ITPRID1: variants seen among roughly 807,000 people sequenced by gnomAD.
The protein encoded by ITPRID1 is ITPR interacting domain containing 1.
In ITPRID1, 96 loss-of-function variants were observed where a neutral mutation model predicts 95.4. The ratio of observed to expected loss-of-function variants is 1.01; its 90% CI spans 0.85 to 1.19. ITPRID1 has a LOEUF of 1.19. ITPRID1 is among the 50% of genes most tolerant of loss of function. The pLI, the probability that ITPRID1 is intolerant of heterozygous loss-of-function variation, is 0.00. For synonymous variants in ITPRID1, 510 were observed against 453.6 expected, an observed-to-expected ratio of 1.12 and a Z score of -1.58; for missense variants, 1,339 against 1,252.9, an observed-to-expected ratio of 1.07 and a Z score of -1.04.
intron 10 of ITPRID1, among the ~76,000 whole-genome samples, chr7:31,590,764 A>T (rs1785832115): frequency 6.6e-6 from 1 of 152,242 alleles, no homozygotes; most frequent in Admixed American, 6.5e-5. Flanking sequence ...CTCACAGAGT[A>T]GTGTCATTAT....
rs1277312206 is a variant in ITPRID1, at chr7:31,643,213, G to C, written c.1843G>C (p.Glu615Gln). The C allele has an allele frequency of 6.8e-6, 11 of 1,613,818 alleles. No individual in the cohort carries two copies. The highest frequency in any genetic ancestry group is 9.3e-6 in the Non-Finnish European group (11 of 1,179,890). ...TQDKFLHVDS[E>Q]APREEESSGF... ...AGACAAGTTCCTTCATGTTGACTCT[G>C]AGGCCCCACGAGAAGAGGAAAGCAG... Residue 615 changes from glutamate to glutamine, a missense_variant, in exon 12 of 15, where the codon GAG becomes CAG. Physicochemically the swap from Glu to Gln is conservative, Grantham distance 29 (BLOSUM62 2). Coordinates refer to ENST00000615280, the MANE Select transcript of ITPRID1 (RefSeq NM_001257967.3).
At chr7:31,539,495 A>T (rs1165507263) in intron 1 of ITPRID1, among the ~76,000 whole-genome samples, 9 of 152,028 alleles carry the variant, frequency 5.9e-5, no homozygotes. Flanking sequence ...TAAATTTTCA[A>T]CTCCTCTGGG....
At chr7:31,595,314 G>A (rs142644486) in intron 10 of ITPRID1, among the ~76,000 whole-genome samples, 3,506 of 145,656 alleles carry the variant, frequency 0.024, 129 homozygotes, top group African/African-American at 0.082. Context: ...CAAAGTACTG[G>A]GATTACAGGT....
chr7:31,515,389 A>C (rs1240804551), intron 1 of ITPRID1, among the ~76,000 whole-genome samples: 1 of 152,192 alleles, frequency 6.6e-6, no homozygotes, highest in Non-Finnish European at 1.5e-5. Flanking sequence ...CAGCCTGACC[A>C]ACATGGAGAA....
intron 1 of ITPRID1, chr7:31,518,362 CTACTGTTTGTGA>C: frequency 6.6e-6 from 1 of 152,174 alleles, no homozygotes; most frequent in South Asian, 2.1e-4. Context: ...TTGCCTAAAA[CTACTGTTTGTGA>C]TAATTTGTTA....
At chr7:31,594,172 A>G (rs1785979696) in intron 10 of ITPRID1, among the ~76,000 whole-genome samples, 1 of 152,202 alleles carries the variant, frequency 6.6e-6, no homozygotes, top group Non-Finnish European at 1.5e-5. Flanking sequence ...AGCATACTGT[A>G]CAGGTTTGCA....
chr7:31,517,135 T>G (rs1783070154), intron 1 of ITPRID1, among the ~76,000 whole-genome samples: 1 of 152,082 alleles, frequency 6.6e-6, no homozygotes. Flanking sequence ...AGATTTCAGG[T>G]TTTGGTTCGG....
chr7:31,575,698 T>C (rs1372415033), intron 8 of ITPRID1, among the ~76,000 whole-genome samples: 2 of 152,088 alleles, frequency 1.3e-5, no homozygotes, highest in East Asian at 1.9e-4. Context: ...AGGGGGGAAA[T>C]GACAAAATTC....
At position 31,516,554 on chromosome 7, in the gene ITPRID1, T is replaced by G. The variant is rs1583447851; in HGVS notation, c.-98+2434T>G. Among the ~76,000 whole-genome samples, 3 of 152,300 alleles carry G rather than the reference T, an allele frequency of 2.0e-5. No individual in the cohort carries two copies. The South Asian group carries it at 6.2e-4, about 32-fold the overall frequency. ...CCATAGCTCAGGAAGAGAAACGGCT[T>G]GCTCTAACAGACACAGATAATAGTT... On this transcript the variant is annotated intron_variant, in intron 1 of 14. Coordinates refer to ENST00000615280, the MANE Select transcript of ITPRID1 (RefSeq NM_001257967.3).
chr7:31,591,740 A>G (rs1372627888), intron 10 of ITPRID1, among the ~76,000 whole-genome samples: 1 of 152,232 alleles, frequency 6.6e-6, no homozygotes, highest in Admixed American at 6.5e-5. Context: ...GGAAAGGGTT[A>G]AAAGCAGTTG....
intron 10 of ITPRID1, among the ~76,000 whole-genome samples, chr7:31,627,493 A>G (rs541087795): frequency 1.7e-4 from 26 of 152,084 alleles, no homozygotes; most frequent in African/African-American, 5.8e-4. Flanking sequence ...CCCCATCTCT[A>G]CAAAAAAATA....
intron 10 of ITPRID1, among the ~76,000 whole-genome samples, chr7:31,610,876 C>T (rs532726384): frequency 3.9e-4 from 59 of 151,010 alleles, no homozygotes; most frequent in Admixed American, 4.0e-4. Flanking sequence ...TCTTGTGGAC[C>T]GCATGTAGTT....
chr7:31,617,474 A>C (rs946676505), intron 10 of ITPRID1, among the ~76,000 whole-genome samples: 4 of 143,816 alleles, frequency 2.8e-5, no homozygotes, highest in African/African-American at 7.8e-5. Flanking sequence ...AATTAGTATA[A>C]AAATCAAAAC....
At chr7:31,528,841 G>T (rs1406658431) in intron 1 of ITPRID1, among the ~76,000 whole-genome samples, 2 of 152,054 alleles carry the variant, frequency 1.3e-5, no homozygotes, top group African/African-American at 4.8e-5. Context: ...AATTTGAAAT[G>T]CACAAGATCT....
intron 10 of ITPRID1, among the ~76,000 whole-genome samples, chr7:31,607,725 A>G (rs889895009): frequency 3.6e-5 from 3 of 83,482 alleles, no homozygotes; most frequent in African/African-American, 1.3e-4. Flanking sequence ...AATTTTAAGC[A>G]CAAATTTTCT....
At chr7:31,579,376 A>G (rs1785313006) in intron 9 of ITPRID1, among the ~76,000 whole-genome samples, 1 of 152,180 alleles carries the variant, frequency 6.6e-6, no homozygotes, top group South Asian at 2.1e-4. Flanking sequence ...ATTTACATGC[A>G]AATTCCAAAG....
chr7:31,591,696 T>A (rs892928554), intron 10 of ITPRID1, among the ~76,000 whole-genome samples: 1 of 152,164 alleles, frequency 6.6e-6, no homozygotes. Context: ...CTTGGAAACA[T>A]CAGGGTGACA....
intron 10 of ITPRID1, among the ~76,000 whole-genome samples, chr7:31,626,533 G>A (rs1244087015): frequency 6.6e-6 from 1 of 152,154 alleles, no homozygotes; most frequent in Admixed American, 6.5e-5. Context: ...ATATCACAAA[G>A]ATGGATACAA....
chr7:31,573,428 G>T lies in ITPRID1; in HGVS notation c.396-1112G>T, dbSNP rs1368723766. 2.0e-5 allele frequency among the ~76,000 whole-genome samples: 3 copies of T among 151,984 alleles called. No homozygotes were observed. The East Asian group carries it at 5.8e-4, about 29-fold the overall frequency. ...AAGAAAAAAAAGAAAGTGTGAACAT[G>T]ATGCTGGTTGTATCTGGTAAGTGGG... On this transcript the variant is annotated intron_variant, in intron 7 of 14. Coordinates refer to ENST00000615280, the MANE Select transcript of ITPRID1 (RefSeq NM_001257967.3).
Sources: gnomAD v4.1 joint callset for allele counts (sites outside exome capture counted in the v4.1 genomes callset) on GRCh38, gnomAD v4.1.1 for gene constraint, MANE v1.5 for transcripts, NCBI Gene and HGNC (gene_info 2026-07-23, HGNC 2026-07-21) for gene names.